TRMT9B: variants seen among roughly 807,000 people sequenced by gnomAD.
TRMT9B encodes probable tRNA methyltransferase 9B.
TRMT9B carries 16 observed loss-of-function variants against 11.5 expected under a neutral mutation model. The observed-to-expected ratio is 1.39, with a 90% CI of 0.94 to 2.11. The LOEUF (loss-of-function observed/expected upper bound fraction) is 2.11, where lower values mean the gene tolerates loss of function less well. Among genes scored for constraint, TRMT9B ranks in the 30% most tolerant of loss-of-function variants. The pLI, the probability that TRMT9B is intolerant of heterozygous loss-of-function variation, is 0.00. For synonymous variants in TRMT9B, 274 were observed against 192.4 expected, an observed-to-expected ratio of 1.42 and a Z score of -3.51; for missense variants, 941 against 553.8, an observed-to-expected ratio of 1.70 and a Z score of -7.02.
intron 1 of TRMT9B, among the ~76,000 whole-genome samples, chr8:12,985,121 G>C (rs1806064448): frequency 1.3e-5 from 2 of 152,252 alleles, no homozygotes; most frequent in South Asian, 4.2e-4. Flanking sequence ...GGAAAACAAA[G>C]TGCTCTCAGG....
intron 2 of TRMT9B, among the ~76,000 whole-genome samples, chr8:12,999,515 T>C (rs1809009604): frequency 2.0e-5 from 3 of 152,164 alleles, no homozygotes; most frequent in Admixed American, 6.5e-5. Context: ...CAATTATACC[T>C]AAATAAAACT....
At chr8:13,020,772 A>C (rs560260416) in intron 4 of TRMT9B, among the ~76,000 whole-genome samples, 1 of 152,328 alleles carries the variant, frequency 6.6e-6, no homozygotes, top group South Asian at 2.1e-4. Flanking sequence ...GTAGAACTTA[A>C]ATATCTTGCC....
rs867322220 is a variant in TRMT9B at position 12,981,234 on chromosome 8, G to T, written c.-199-9600G>T. Among the ~76,000 whole-genome samples, 6 of 152,188 alleles carry T rather than the reference G, an allele frequency of 3.9e-5. No individual in the cohort carries two copies. The South Asian group carries it at 8.3e-4, about 21-fold the overall frequency. On this transcript the variant is annotated intron_variant, in intron 1 of 4. Coordinates refer to ENST00000524591, the MANE Select transcript of TRMT9B (RefSeq NM_020844.3). ...GATCACTGCAAGAGTTTCTCTCCAT[G>T]ATAGAAACAACACGTTGATTTACAC... is the stretch of plus-strand genomic sequence containing the variant.
intron 2 of TRMT9B, among the ~76,000 whole-genome samples, chr8:12,998,858 C>G (rs1397816616): frequency 6.6e-6 from 1 of 152,184 alleles, no homozygotes; most frequent in Non-Finnish European, 1.5e-5. Flanking sequence ...CATTAAGAAG[C>G]TGGAAAAACT....
intron 2 of TRMT9B, among the ~76,000 whole-genome samples, chr8:13,005,420 A>G (rs1263765730): frequency 6.6e-6 from 1 of 152,230 alleles, no homozygotes; most frequent in Non-Finnish European, 1.5e-5. Context: ...TTTTTAAATG[A>G]CTAAAAGAGT....
intron 1 of TRMT9B, among the ~76,000 whole-genome samples, chr8:12,964,318 AT>A (rs1802532319): frequency 6.6e-6 from 1 of 152,224 alleles, no homozygotes; most frequent in South Asian, 2.1e-4. Context: ...ATAGTTGTGT[AT>A]TTTACAAAAT....
chr8:12,973,817 C>A (rs1804000262), intron 1 of TRMT9B, among the ~76,000 whole-genome samples: 2 of 152,198 alleles, frequency 1.3e-5, no homozygotes. Flanking sequence ...CCTTTAGTTC[C>A]CACCGTGCCC....
At chr8:12,964,073 T>C (rs1802493736) in intron 1 of TRMT9B, among the ~76,000 whole-genome samples, 1 of 152,252 alleles carries the variant, frequency 6.6e-6, no homozygotes. Flanking sequence ...TTTCTAACAA[T>C]TTAGGATGCC....
chr8:13,015,935 G>A (rs1015337455), intron 4 of TRMT9B, among the ~76,000 whole-genome samples: 4 of 151,682 alleles, frequency 2.6e-5, no homozygotes, highest in East Asian at 1.9e-4. Flanking sequence ...TTTTCAGTTC[G>A]AGTTCACATT....
intron 2 of TRMT9B, among the ~76,000 whole-genome samples, chr8:13,001,007 G>A (rs1182242320): frequency 6.6e-6 from 1 of 152,100 alleles, no homozygotes; most frequent in Non-Finnish European, 1.5e-5. Context: ...ATAGGGACTA[G>A]AACTAGAATA....
At chr8:13,000,122 A>T (rs1305993157) in intron 2 of TRMT9B, among the ~76,000 whole-genome samples, 1 of 152,162 alleles carries the variant, frequency 6.6e-6, no homozygotes, top group East Asian at 1.9e-4. Flanking sequence ...ACCCAGGCTG[A>T]TGCCTCCAGG....
intron 1 of TRMT9B, among the ~76,000 whole-genome samples, chr8:12,989,209 T>A (rs1806884307): frequency 2.0e-5 from 3 of 152,176 alleles, no homozygotes; most frequent in Admixed American, 6.6e-5. Flanking sequence ...GAAGATGGCC[T>A]CCTGTTTAGT....
In TRMT9B at chr8:13,012,722, G is replaced by T. The variant is rs1343153221; in HGVS notation, c.193G>T (p.Val65Leu). 6.2e-7 allele frequency: 1 copy of T among 1,613,968 alleles called. No homozygotes were observed. The highest frequency in any genetic ancestry group is 8.5e-7 in the Non-Finnish European group (1 of 1,179,872). Reference protein sequence around the residue: ...TGKYLKVNSQVHTVGCDYCGP... With the variant: ...TGKYLKVNSQLHTVGCDYCGP... ...AAAATATCTTAAAGTGAACAGCCAG[G>T]TACATACCGTGGGCTGTGACTACTG... The change falls in exon 4 of 5, where the codon GTA becomes TTA. Residue 65 changes from valine to leucine, a missense_variant. Coordinates refer to ENST00000524591, the MANE Select transcript of TRMT9B (RefSeq NM_020844.3).
At chr8:13,007,270 T>A (rs1299438361) in intron 3 of TRMT9B, 1 of 152,200 alleles carries the variant, frequency 6.6e-6, no homozygotes, top group African/African-American at 2.4e-5. Flanking sequence ...GCATCTTTAA[T>A]TAGACAGTAT....
chr8:13,013,957 A>T (rs76659096), intron 4 of TRMT9B, among the ~76,000 whole-genome samples: 1 of 152,072 alleles, frequency 6.6e-6, no homozygotes, highest in Non-Finnish European at 1.5e-5. Context: ...TCAAAAAAAT[A>T]AAAAAAATAA....
At chr8:13,005,467 G>A (rs1022827735) in intron 2 of TRMT9B, among the ~76,000 whole-genome samples, 8 of 152,092 alleles carry the variant, frequency 5.3e-5, no homozygotes, top group African/African-American at 1.7e-4. Context: ...ATAAGTGCTC[G>A]AGGTGATGAA....
At chr8:13,019,519 C>G (rs1349817381) in intron 4 of TRMT9B, among the ~76,000 whole-genome samples, 1 of 152,180 alleles carries the variant, frequency 6.6e-6, no homozygotes, top group African/African-American at 2.4e-5. Flanking sequence ...GTCTCAAACT[C>G]CTGGCCTCAA....
chr8:12,972,119 T>G (rs1292943703), intron 1 of TRMT9B, among the ~76,000 whole-genome samples: 3 of 152,172 alleles, frequency 2.0e-5, no homozygotes, highest in African/African-American at 7.2e-5. Flanking sequence ...AGGAATTGAT[T>G]AGACAGATAT....
intron 1 of TRMT9B, among the ~76,000 whole-genome samples, chr8:12,974,569 G>C (rs541420048): frequency 1.3e-5 from 2 of 152,160 alleles, no homozygotes; most frequent in Admixed American, 6.5e-5. Context: ...GTCCTGCCTC[G>C]TTCCAGACAA....
Sources: gnomAD v4.1 joint callset for allele counts (sites outside exome capture counted in the v4.1 genomes callset) on GRCh38, gnomAD v4.1.1 for gene constraint, MANE v1.5 for transcripts, NCBI Gene and HGNC (gene_info 2026-07-23, HGNC 2026-07-21) for gene names.